GTPBP1: variants seen among roughly 807,000 people sequenced by gnomAD.
GTPBP1 encodes GTP-binding protein 1.
GTPBP1 carries 23 observed loss-of-function variants against 62.0 expected under a neutral mutation model. That is an observed-to-expected ratio of 0.37 (90% CI 0.27 to 0.53). The LOEUF is 0.53. GTPBP1 is among the 20% of genes least tolerant of loss of function. The pLI is 0.89. For synonymous variants in GTPBP1, 344 were observed against 364.4 expected (o/e 0.94, Z 0.64); for missense variants, 640 against 917.3 (o/e 0.70, Z 3.90).
chr22:38,742,260 G>A, downstream of GTPBP1: 1 of 1,550,208 alleles, frequency 6.5e-7, no homozygotes, highest in Non-Finnish European at 8.7e-7. Context: ...CTTTCCTATG[G>A]GTGTCACCCA....
chr22:38,736,097 C>T (rs573329414), downstream of GTPBP1: 13 of 706,304 alleles, frequency 1.8e-5, no homozygotes, highest in African/African-American at 3.5e-5. Flanking sequence ...CTAACCGCCT[C>T]GAGCCACCTG....
intron 6 of GTPBP1, chr22:38,725,450 C>G (rs2092722061): frequency 6.5e-6 from 1 of 153,656 alleles, no homozygotes; most frequent in African/African-American, 2.4e-5. Flanking sequence ...GGTGAGAGGG[C>G]CTGGTAGTTG....
chr22:38,739,556 T>C, downstream of GTPBP1: 1 of 1,303,432 alleles, frequency 7.7e-7, no homozygotes, highest in South Asian at 1.3e-5. The surrounding 1 kb of genome is among the most constrained non-coding windows in gnomAD (Gnocchi z 6.7). Context: ...CCCAGGCAGA[T>C]GTGGGCACAC....
chr22:38,740,884 C>T (rs1352794381), downstream of GTPBP1: 2 of 1,122,242 alleles, frequency 1.8e-6, no homozygotes, highest in East Asian at 2.6e-5. The surrounding 1 kb of genome is among the most constrained non-coding windows in gnomAD (Gnocchi z 4.8). Context: ...AACCCCTCCC[C>T]CTACCATCTG....
downstream of GTPBP1, among the ~76,000 whole-genome samples, chr22:38,733,965 T>C (rs553398818): frequency 2.0e-5 from 3 of 152,310 alleles, no homozygotes; most frequent in Admixed American, 1.3e-4. Flanking sequence ...CTCCTTTGTT[T>C]AGATGGCGTC....
In GTPBP1 at chr22:38,716,117, C is replaced by A. The variant is rs2145854412; in HGVS notation, c.485+30C>A. The A allele has an allele frequency of 1.3e-6, 2 of 1,538,642 alleles. No individual in the cohort carries two copies. The highest frequency in any genetic ancestry group is 1.4e-5 in the African/African-American group (1 of 72,806). On this transcript the variant is annotated intron_variant, in intron 3 of 11. Coordinates refer to ENST00000216044, the MANE Select transcript of GTPBP1 (RefSeq NM_004286.5). The surrounding 1 kb of genome is among the most constrained non-coding windows in gnomAD (Gnocchi z 5.2). ...GGAGGCCGCGGGACATTTTGGGGTC[C>A]CCATTCTTCACAGAGGTTGGTGACT... is the stretch of plus-strand genomic sequence containing the variant.
chr22:38,724,213 T>C (rs1030635866), intron 5 of GTPBP1, 84 bp from the exon 6 acceptor site: 6 of 780,062 alleles, frequency 7.7e-6, no homozygotes, highest in Admixed American at 3.6e-5. Context: ...CTTGCATCAG[T>C]AATGAGTGGA....
chr22:38,730,764 C>A lies in GTPBP1; in HGVS notation c.*60C>A. The A allele has an allele frequency of 1.1e-6, 1 of 915,258 alleles. No homozygotes were observed. The highest frequency in any genetic ancestry group is 1.6e-5 in the South Asian group (1 of 61,946). 56.7% of individuals were successfully genotyped at this position (915,258 alleles called of 1,614,324 possible). A position where few individuals can be genotyped will look rare whatever the true frequency, so the allele number is the denominator to read the frequency against. On this transcript the variant is annotated 3_prime_UTR_variant, in exon 12 of 12. Coordinates refer to ENST00000216044, the MANE Select transcript of GTPBP1 (RefSeq NM_004286.5). This position sits in a 1 kb window ranked among gnomAD's most constrained non-coding sequence, Gnocchi z 5.6. ...TCATCATCTCTGGCCACCACTCCAC[C>A]AGATGGGCAGAGCAGCTATGACCGC...
In GTPBP1 at chr22:38,730,531, C is replaced by T; in HGVS notation, c.1918-81C>T. ...CTGCTCACGCATCTTCCGTCCCTGT[C>T]TCCCCGCTGCTCAGCACCTCTGCTC... On this transcript the variant is annotated intron_variant, in intron 11 of 11. Transcript: ENST00000216044. The surrounding 1 kb of genome is among the most constrained non-coding windows in gnomAD (Gnocchi z 5.6). 1.0e-6 allele frequency: 1 copy of T among 955,570 alleles called. No individual in the cohort carries two copies. The highest frequency in any genetic ancestry group is 1.7e-6 in the Non-Finnish European group (1 of 599,140). The allele number at this position is 955,570 out of a possible 1,614,324, so 59.2% of individuals were successfully genotyped here.
rs1249867870 is a variant in GTPBP1 at position 38,733,271 on chromosome 22, G to C, written c.*2567G>C. 1 of 152,266 alleles carries C rather than the reference G, an allele frequency of 6.6e-6. No individual in the cohort carries two copies. Among genetic ancestry groups the C allele is most frequent in the African/African-American group, 2.4e-5 (1 of 41,460 alleles). 9.4% of individuals were successfully genotyped at this position (152,266 alleles called of 1,614,324 possible). A position where few individuals can be genotyped will look rare whatever the true frequency, so the allele number is the denominator to read the frequency against. ...GGCTTTGGGGTCTGGTTTCCACAAG[G>C]CTTAGCCATGGCAGAACCTCGTTTT... is the stretch of plus-strand genomic sequence containing the variant. On this transcript the variant is annotated 3_prime_UTR_variant, in exon 12 of 12. Coordinates refer to ENST00000216044, the MANE Select transcript of GTPBP1 (RefSeq NM_004286.5).
At chr22:38,735,349 C>T (rs777207740), downstream of GTPBP1, 32 of 412,312 alleles carry the variant, frequency 7.8e-5, no homozygotes, top group African/African-American at 3.5e-4. Context: ...CCTCGCACCC[C>T]GATACCCTGA....
At chr22:38,713,662 C>T (rs1362486876) in intron 2 of GTPBP1, among the ~76,000 whole-genome samples, 1 of 152,208 alleles carries the variant, frequency 6.6e-6, no homozygotes, top group Non-Finnish European at 1.5e-5. Flanking sequence ...GACCTGAACT[C>T]ATGGCCTCCC....
chr22:38,735,562 G>A (rs1000600280), downstream of GTPBP1: 12 of 227,642 alleles, frequency 5.3e-5, no homozygotes, highest in Admixed American at 4.2e-4. Flanking sequence ...AGCAACTACC[G>A]TCCCCAGCAG....
intron 2 of GTPBP1, among the ~76,000 whole-genome samples, chr22:38,710,585 C>T (rs899571758): frequency 1.3e-5 from 2 of 151,970 alleles, no homozygotes; most frequent in Admixed American, 1.3e-4. Flanking sequence ...TTAGCATTAT[C>T]AAGTGCTACA....
At chr22:38,735,150 C>A (rs917501184), downstream of GTPBP1, 2 of 424,168 alleles carry the variant, frequency 4.7e-6, no homozygotes, top group Non-Finnish European at 9.3e-6. Flanking sequence ...TCTAAAAGTC[C>A]CCTCCTCCCC....
At chr22:38,740,405 G>A (rs1368002307), downstream of GTPBP1, 2 of 1,566,298 alleles carry the variant, frequency 1.3e-6, no homozygotes, top group South Asian at 1.2e-5. The surrounding 1 kb of genome is among the most constrained non-coding windows in gnomAD (Gnocchi z 4.8). Flanking sequence ...CCTTCACAGA[G>A]CTCTCCTGGA....
chr22:38,736,097 C>G (rs573329414), downstream of GTPBP1: 2 of 706,186 alleles, frequency 2.8e-6, no homozygotes, highest in African/African-American at 1.8e-5. Context: ...CTAACCGCCT[C>G]GAGCCACCTG....
downstream of GTPBP1, chr22:38,736,066 G>A: frequency 1.6e-6 from 1 of 642,978 alleles, no homozygotes; most frequent in Non-Finnish European, 2.9e-6. Flanking sequence ...AGGGAAGGAA[G>A]AAGGGAGCTG....
downstream of GTPBP1, chr22:38,742,606 G>A (rs765412512): frequency 5.8e-6 from 9 of 1,561,510 alleles, no homozygotes; most frequent in Non-Finnish European, 2.6e-6. Flanking sequence ...GGATGATAGT[G>A]CTTCCCAAAG....
Sources: gnomAD v4.1 joint callset for allele counts (sites outside exome capture counted in the v4.1 genomes callset) on GRCh38, gnomAD v4.1.1 for gene constraint, Gnocchi (gnomAD v3.1) non-coding constraint, MANE v1.5 for transcripts, NCBI Gene and HGNC (gene_info 2026-07-23, HGNC 2026-07-21) for gene names.